ADAMTS9: variants seen among roughly 807,000 people sequenced by gnomAD.
The protein encoded by ADAMTS9 is ADAM metallopeptidase with thrombospondin type 1 motif 9.
A neutral mutation model predicts 257.1 loss-of-function variants in ADAMTS9; 107 were observed. The ratio of observed to expected loss-of-function variants is 0.42; its 90% CI spans 0.36 to 0.49. ADAMTS9 has a LOEUF of 0.49. Ranked by LOEUF, ADAMTS9 falls within the 20% of genes least tolerant of loss-of-function variation. The pLI, the probability that ADAMTS9 is intolerant of heterozygous loss-of-function variation, is 0.03. For synonymous variants in ADAMTS9, 982 were observed against 880.9 expected, an observed-to-expected ratio of 1.11 and a Z score of -2.03; for missense variants, 2,353 against 2,469.1, an observed-to-expected ratio of 0.95 and a Z score of 1.00.
At chr3:64,611,889 G>T (rs922741381) in intron 22 of ADAMTS9, among the ~76,000 whole-genome samples, 1 of 152,174 alleles carries the variant, frequency 6.6e-6, no homozygotes, top group African/African-American at 2.4e-5. Flanking sequence ...AAAGGTGGTA[G>T]TTGCAAAACA....
chr3:64,593,961 A>ATGGATGTG (rs1553707065), intron 28 of ADAMTS9, among the ~76,000 whole-genome samples: 1 of 108,264 alleles, frequency 9.2e-6, no homozygotes, highest in Non-Finnish European at 1.7e-5. Context: ...TGTGTGTATG[A>ATGGATGTG]TGTGTGTGTG....
chr3:64,536,428 T>C (rs1314767392), intron 37 of ADAMTS9, among the ~76,000 whole-genome samples: 7 of 152,250 alleles, frequency 4.6e-5, no homozygotes, highest in Non-Finnish European at 8.8e-5. Context: ...TTGAGAGTTA[T>C]ACGTTTACTA....
intron 3 of ADAMTS9, among the ~76,000 whole-genome samples, chr3:64,676,526 A>AT (rs1334611092): frequency 6.6e-6 from 1 of 152,026 alleles, no homozygotes; most frequent in East Asian, 1.9e-4. Context: ...ATCATTAAAA[A>AT]AAAATAATAT....
intron 37 of ADAMTS9, among the ~76,000 whole-genome samples, chr3:64,537,523 G>C (rs1268805682): frequency 6.6e-6 from 1 of 152,128 alleles, no homozygotes; most frequent in Non-Finnish European, 1.5e-5. Flanking sequence ...TCTCTCCTGA[G>C]AGCTTCCTCT....
chr3:64,632,835 A>G (rs894018723), intron 14 of ADAMTS9, among the ~76,000 whole-genome samples: 1 of 151,946 alleles, frequency 6.6e-6, no homozygotes, highest in Non-Finnish European at 1.5e-5. Flanking sequence ...AGGCAAAAAA[A>G]AAAAAACAAA....
chr3:64,553,747 T>C lies in ADAMTS9; in HGVS notation c.4699-2685A>G, dbSNP rs138988615. Among the ~76,000 whole-genome samples the C allele has an allele frequency of 3.3e-3, 502 of 152,226 alleles. 2 individuals carry two copies. The highest frequency in any genetic ancestry group is 5.1e-3 in the Non-Finnish European group (345 of 68,016). On this transcript the variant is annotated intron_variant, in intron 30 of 39. Transcript: ENST00000498707. The stretch of plus-strand genomic sequence containing the variant: ...TAGAATATGGAGTCAGTCCTCATTT[T>C]TCTGGAGCATAAACATAACTTGAAA...
At chr3:64,661,536 A>C (rs569409953) in intron 3 of ADAMTS9, among the ~76,000 whole-genome samples, 26 of 152,314 alleles carry the variant, frequency 1.7e-4, no homozygotes, top group Admixed American at 1.3e-3. Flanking sequence ...ACATTGCAGG[A>C]AGTGGAGGTA....
At chr3:64,575,400 G>A (rs1473710109) in intron 28 of ADAMTS9, among the ~76,000 whole-genome samples, 4 of 152,134 alleles carry the variant, frequency 2.6e-5, no homozygotes, top group South Asian at 2.1e-4. Context: ...TTTGGCTCCC[G>A]TCGCAATGGG....
intron 32 of ADAMTS9, 49 bp from the exon 33 acceptor site, chr3:64,542,019 A>T (rs755900540): frequency 6.2e-7 from 1 of 1,611,224 alleles, no homozygotes; most frequent in East Asian, 2.2e-5. Flanking sequence ...TGTGGGAGGC[A>T]TAGGCTTCTG....
chr3:64,627,469 G>C (rs977676325), intron 16 of ADAMTS9, among the ~76,000 whole-genome samples: 1 of 152,108 alleles, frequency 6.6e-6, no homozygotes, highest in African/African-American at 2.4e-5. Context: ...AAGTGTACTG[G>C]AGACAAATAA....
chr3:64,673,533 T>C (rs1701544192), intron 3 of ADAMTS9, among the ~76,000 whole-genome samples: 1 of 152,152 alleles, frequency 6.6e-6, no homozygotes, highest in Non-Finnish European at 1.5e-5. Flanking sequence ...AAGTGAAAAG[T>C]TGCGTAAGAG....
chr3:64,623,371 G>T (rs1472361319), intron 16 of ADAMTS9, among the ~76,000 whole-genome samples: 1 of 152,186 alleles, frequency 6.6e-6, no homozygotes, highest in South Asian at 2.1e-4. Flanking sequence ...CCTGCAAGCA[G>T]CAGGGAAGTA....
intron 38 of ADAMTS9, among the ~76,000 whole-genome samples, chr3:64,529,576 G>A (rs944297448): frequency 6.6e-6 from 1 of 152,200 alleles, no homozygotes; most frequent in African/African-American, 2.4e-5. Flanking sequence ...GCCCTCGGGG[G>A]CCAGATCGTA....
chr3:64,529,528 G>T (rs2082950707), intron 38 of ADAMTS9, among the ~76,000 whole-genome samples: 1 of 152,162 alleles, frequency 6.6e-6, no homozygotes, highest in Non-Finnish European at 1.5e-5. Context: ...ATTATAACTG[G>T]CCAGGGTCTG....
chr3:64,665,353 T>C (rs1399698272), intron 3 of ADAMTS9, among the ~76,000 whole-genome samples: 1 of 152,152 alleles, frequency 6.6e-6, no homozygotes, highest in African/African-American at 2.4e-5. Flanking sequence ...TAAGTCCTAT[T>C]TGACCTTGGG....
At chr3:64,601,877 T>C in intron 26 of ADAMTS9, 67 bp downstream of exon 26, 1 of 1,507,886 alleles carries the variant, frequency 6.6e-7, no homozygotes, top group Admixed American at 2.2e-5. Flanking sequence ...AAGGTGTTTC[T>C]AGTCTCTTTT....
intron 12 of ADAMTS9, among the ~76,000 whole-genome samples, chr3:64,635,921 T>C (rs1700483810): frequency 6.6e-6 from 1 of 152,134 alleles, no homozygotes; most frequent in African/African-American, 2.4e-5. Context: ...AAAACTTGTT[T>C]CAAATGTGCT....
chr3:64,645,369 G>C (rs573596329), intron 11 of ADAMTS9, among the ~76,000 whole-genome samples: 47 of 152,276 alleles, frequency 3.1e-4, no homozygotes, highest in African/African-American at 9.9e-4. Flanking sequence ...ACTTAAGAGA[G>C]TGGAGAAAAT....
At chr3:64,615,096 T>C (rs759085417) in intron 21 of ADAMTS9, 17 of 456,982 alleles carry the variant, frequency 3.7e-5, no homozygotes, top group Non-Finnish European at 5.7e-5. Flanking sequence ...CAACAGTGAG[T>C]GATCTAGCCA....
Sources: allele counts gnomAD v4.1 joint callset (sites outside exome capture counted in the v4.1 genomes callset), GRCh38; gene constraint gnomAD v4.1.1; transcripts MANE v1.5; gene names NCBI Gene and HGNC (gene_info 2026-07-23, HGNC 2026-07-21).